Variants in SRGAP2B observed in about 807,000 individuals in gnomAD.
SRGAP2B encodes SLIT-ROBO Rho GTPase activating protein 2B, also known as SLIT-ROBO Rho GTPase-activating protein 2B.
A neutral mutation model predicts 22.2 loss-of-function variants in SRGAP2B; 9 were observed. The observed-to-expected ratio is 0.41, with a 90% CI of 0.24 to 0.71. The LOEUF (loss-of-function observed/expected upper bound fraction) is 0.71. Among genes scored for constraint, SRGAP2B ranks in the 30% least tolerant of loss-of-function variants. The probability of loss-of-function intolerance (pLI) is 0.35; values close to 1 mark genes in which losing one functional copy is unlikely to be tolerated. For missense variants in SRGAP2B, 114 were observed against 235.8 expected, an observed-to-expected ratio of 0.48 and a Z score of 3.38; for synonymous variants, 36 against 87.4, an observed-to-expected ratio of 0.41 and a Z score of 3.28.
At chr1:145,067,214 G>A (rs1651599440) in intron 2 of SRGAP2B, among the ~76,000 whole-genome samples, 1 of 147,406 alleles carries the variant, frequency 6.8e-6, no homozygotes, top group South Asian at 2.1e-4. Context: ...ATTTGAACCT[G>A]GGAGGCAGAG....
In SRGAP2B at chr1:144,966,515, C is replaced by T. The variant is rs200606686; in HGVS notation, c.261-10914G>A. On this transcript the variant is annotated intron_variant, in intron 3 of 9. Coordinates refer to ENST00000612199, the Ensembl canonical transcript of SRGAP2B. ...AGTGCTAAACGTGGAAAGGAACAAC[C>T]AGTACCAGCCACTGCAAAAACATGC... is the stretch of plus-strand genomic sequence containing the variant. Among the ~76,000 whole-genome samples the T allele has an allele frequency of 3.4e-5, 5 of 147,110 alleles. 1 individual carries two copies. The South Asian group carries it at 1.1e-3, about 31-fold the overall frequency.
chr1:144,919,965 G>A (rs587671265), intron 4 of SRGAP2B: 7 of 150,408 alleles, frequency 4.7e-5, no homozygotes, highest in East Asian at 3.9e-4. Context: ...GTGGACCTTC[G>A]CGGTGAGTGT....
chr1:144,953,552 T>G (rs587630205), intron 4 of SRGAP2B, among the ~76,000 whole-genome samples: 1,088 of 151,950 alleles, frequency 7.2e-3, no homozygotes, highest in African/African-American at 0.025. Flanking sequence ...CCTGAGCCCA[T>G]GGCTAGGAAT....
intron 2 of SRGAP2B, among the ~76,000 whole-genome samples, chr1:145,088,447 A>C (rs1343244501): frequency 4.2e-5 from 6 of 141,544 alleles, no homozygotes; most frequent in African/African-American, 1.3e-4. Flanking sequence ...TGTTCTCCTA[A>C]GACATTAAAA....
chr1:145,001,812 G>A (rs1553619900), intron 2 of SRGAP2B, among the ~76,000 whole-genome samples: 1 of 150,770 alleles, frequency 6.6e-6, no homozygotes, highest in Admixed American at 6.6e-5. Flanking sequence ...CTAGAGCTCA[G>A]GAGTTCCAGA....
chr1:145,068,958 T>C (rs2102436570), intron 2 of SRGAP2B, among the ~76,000 whole-genome samples: 2 of 149,264 alleles, frequency 1.3e-5, no homozygotes, highest in African/African-American at 5.0e-5. Flanking sequence ...TATGTGTATA[T>C]ATATATCTCT....
intron 2 of SRGAP2B, among the ~76,000 whole-genome samples, chr1:145,009,082 C>T (rs1312565150): frequency 2.8e-5 from 4 of 142,074 alleles, no homozygotes; most frequent in African/African-American, 1.1e-4. Flanking sequence ...GAGGCTGAGG[C>T]AGGAGAATGG....
At chr1:145,063,547 T>C (rs1329519015) in intron 2 of SRGAP2B, among the ~76,000 whole-genome samples, 6 of 149,200 alleles carry the variant, frequency 4.0e-5, no homozygotes, top group African/African-American at 1.5e-4. Flanking sequence ...GCCCATGGGC[T>C]AGGCGGCTGA....
At chr1:145,044,695 A>C (rs1649567444) in intron 2 of SRGAP2B, among the ~76,000 whole-genome samples, 4 of 130,394 alleles carry the variant, frequency 3.1e-5, no homozygotes, top group Admixed American at 8.0e-5. Context: ...AAAAAAAAAA[A>C]AAAAACAGAA....
intron 4 of SRGAP2B, among the ~76,000 whole-genome samples, chr1:144,917,549 G>A (rs1663946184): frequency 1.4e-5 from 2 of 142,260 alleles, no homozygotes; most frequent in South Asian, 4.4e-4. Flanking sequence ...GGGGGATGGG[G>A]GAAGAAGAGG....
rs587714754 is a variant in SRGAP2B, at chr1:144,976,254, A to G, written c.260+18754T>C. 6.1e-5 allele frequency among the ~76,000 whole-genome samples: 9 copies of G among 146,602 alleles called. No individual in the cohort carries two copies. In the Middle Eastern group the frequency reaches 0.01, roughly 169 times the overall value. On this transcript the variant is annotated intron_variant, in intron 3 of 9. Coordinates refer to ENST00000612199, the Ensembl canonical transcript of SRGAP2B. Reference sequence around the variant, plus strand: ...TTAAGTGAAAATGTGTGTTATGGATAATAGGAACCAGGTTTCTCACTGTTC... The same window carrying G: ...TTAAGTGAAAATGTGTGTTATGGATGATAGGAACCAGGTTTCTCACTGTTC...
intron 3 of SRGAP2B, among the ~76,000 whole-genome samples, chr1:144,993,201 G>A (rs1256553605): frequency 2.1e-4 from 31 of 151,120 alleles, no homozygotes; most frequent in Admixed American, 6.6e-4. Context: ...CCTGTTTGAG[G>A]CTTTCCAGAT....
At chr1:144,944,947 A>G (rs1387551028) in intron 4 of SRGAP2B, among the ~76,000 whole-genome samples, 1 of 147,468 alleles carries the variant, frequency 6.8e-6, no homozygotes, top group Non-Finnish European at 1.5e-5. Flanking sequence ...TTTAGTAGAG[A>G]CGGGGTTTCA....
intron 3 of SRGAP2B, among the ~76,000 whole-genome samples, chr1:144,993,198 G>T (rs1203487416): frequency 1.3e-5 from 2 of 151,142 alleles, no homozygotes; most frequent in African/African-American, 4.9e-5. Flanking sequence ...AAACCTGTTT[G>T]AGGCTTTCCA....
At chr1:144,932,289 CA>C (rs1292539405) in intron 4 of SRGAP2B, among the ~76,000 whole-genome samples, 3 of 150,710 alleles carry the variant, frequency 2.0e-5, no homozygotes, top group African/African-American at 5.0e-5. Context: ...CCATATTTAA[CA>C]AGAACATTCA....
At chr1:145,010,078 AG>A (rs2102236832) in intron 2 of SRGAP2B, among the ~76,000 whole-genome samples, 1 of 144,684 alleles carries the variant, frequency 6.9e-6, no homozygotes, top group African/African-American at 2.7e-5. Flanking sequence ...GGAGAAGCTG[AG>A]TCATCACTCA....
At chr1:144,979,209 A>AT (rs1414245206) in intron 3 of SRGAP2B, among the ~76,000 whole-genome samples, 38 of 135,702 alleles carry the variant, frequency 2.8e-4, no homozygotes, top group Non-Finnish European at 4.9e-4. Flanking sequence ...CACCCGGATA[A>AT]TTTTTTGTAT....
In SRGAP2B at chr1:144,984,437, C is replaced by A. The variant is rs1311544867; in HGVS notation, c.260+10571G>T. Among the ~76,000 whole-genome samples the A allele has an allele frequency of 6.7e-5, 10 of 148,468 alleles. No individual in the cohort carries two copies. The South Asian group carries it at 2.1e-3, about 31-fold the overall frequency. On this transcript the variant is annotated intron_variant, in intron 3 of 9. Transcript: ENST00000612199. ...CCATTAATTTATCAATCACCCAAGTCAAAAAGACACTTTACAGACCTCTTT... is the reference window on the plus strand; with the variant it reads ...CCATTAATTTATCAATCACCCAAGTAAAAAAGACACTTTACAGACCTCTTT...
intron 4 of SRGAP2B, among the ~76,000 whole-genome samples, chr1:144,947,184 C>A (rs1666523990): frequency 5.9e-5 from 1 of 16,896 alleles, no homozygotes; most frequent in Non-Finnish European, 1.3e-4. Context: ...TCATTCAATC[C>A]ACAGCACTTA....
Sources: gnomAD v4.1 joint callset for allele counts (sites outside exome capture counted in the v4.1 genomes callset) on GRCh38, gnomAD v4.1.1 for gene constraint, MANE v1.5 for transcripts, NCBI Gene and HGNC (gene_info 2026-07-23, HGNC 2026-07-21) for gene names.